Variants in SUN1 observed in about 807,000 individuals in gnomAD.
SUN1 encodes SUN domain-containing protein 1.
Under a neutral mutation model 103.2 loss-of-function variants are expected in SUN1, and 61 were observed. The ratio of observed to expected loss-of-function variants is 0.59; its 90% CI spans 0.48 to 0.73. The LOEUF (loss-of-function observed/expected upper bound fraction) is 0.73, where lower values mean the gene tolerates loss of function less well. Among genes scored for constraint, SUN1 ranks in the 30% least tolerant of loss-of-function variants. The pLI is 0.00. For synonymous variants in SUN1, 490 were observed against 425.7 expected, an observed-to-expected ratio of 1.15 and a Z score of -1.86; for missense variants, 1,052 against 1,034.6, an observed-to-expected ratio of 1.02 and a Z score of -0.23.
At chr7:835,879 G>A (rs1254882977) in intron 1 of SUN1, among the ~76,000 whole-genome samples, 1 of 152,228 alleles carries the variant, frequency 6.6e-6, no homozygotes, top group Non-Finnish European at 1.5e-5. Flanking sequence ...GAGACATGAG[G>A]GTCCCACCAT....
intron 14 of SUN1, 101 bp downstream of exon 14, chr7:860,483 G>C: frequency 6.5e-7 from 1 of 1,543,152 alleles, no homozygotes; most frequent in African/African-American, 1.4e-5. Flanking sequence ...TGTTTTAAGA[G>C]TGGTCTGGCT....
chr7:869,481 A>G lies in SUN1; in HGVS notation c.2113A>G (p.Asn705Asp). 1 of 1,613,844 alleles carries G rather than the reference A, an allele frequency of 6.2e-7. No individual in the cohort carries two copies. The highest frequency in any genetic ancestry group is 8.5e-7 in the Non-Finnish European group (1 of 1,179,856). Residue 705 changes from asparagine to aspartate, a missense_variant, in exon 17 of 19, where the codon AAC becomes GAC. Coordinates refer to ENST00000401592, the MANE Select transcript of SUN1 (RefSeq NM_001130965.3). Reference sequence around the variant, plus strand: ...CCCTAAGACGCTGTCGCCAACAGGCAACATCAGCAGCGCCCCCAAGGACTT... The same window carrying G: ...CCCTAAGACGCTGTCGCCAACAGGCGACATCAGCAGCGCCCCCAAGGACTT... ...HIPKTLSPTG[N>D]ISSAPKDFAV... is the part of the protein sequence containing the mutation.
rs190949201 is a variant in SUN1, at chr7:834,150, C to T, written c.77+1549C>T. Among the ~76,000 whole-genome samples, 1,421 of 148,586 alleles carry T rather than the reference C, an allele frequency of 9.6e-3. 45 individuals are homozygous for T. Among genetic ancestry groups the T allele is most frequent in the African/African-American group, 0.034 (1,336 of 39,408 alleles). On this transcript the variant is annotated intron_variant, in intron 1 of 18. Transcript: ENST00000401592. The stretch of plus-strand genomic sequence containing the variant: ...GTAGGCTGGGCTGGGAATTTAGACT[C>T]TTGGTGGGCAGGGGCTGGCCGGATG...
At chr7:826,497 G>A (rs557555745) in intron 1 of SUN1, among the ~76,000 whole-genome samples, 30 of 152,332 alleles carry the variant, frequency 2.0e-4, no homozygotes, top group African/African-American at 7.0e-4. Context: ...CCGAGGCCGG[G>A]GGCTGCAGCT....
chr7:870,806 G>A (rs974439080), intron 17 of SUN1, among the ~76,000 whole-genome samples: 77 of 151,974 alleles, frequency 5.1e-4, no homozygotes, highest in Non-Finnish European at 6.6e-4. Context: ...CACAGGTGGC[G>A]TCACGGTTTC....
intron 3 of SUN1, chr7:842,954 C>A (rs1811617981): frequency 1.6e-6 from 1 of 607,782 alleles, no homozygotes. Context: ...TCATGTTCTG[C>A]TTTCCTCCTT....
At chr7:833,945 T>G (rs1323137448) in intron 1 of SUN1, among the ~76,000 whole-genome samples, 1 of 152,222 alleles carries the variant, frequency 6.6e-6, no homozygotes, top group African/African-American at 2.4e-5. Context: ...TTCTTTACCT[T>G]GGGAGAGCAA....
intron 14 of SUN1, 109 bp downstream of exon 14, chr7:860,491 G>A (rs1831331681): frequency 6.6e-7 from 1 of 1,522,524 alleles, no homozygotes; most frequent in Non-Finnish European, 8.8e-7. Flanking sequence ...GAGTGGTCTG[G>A]CTGGGGTGTG....
intron 5 of SUN1, chr7:843,908 G>A: frequency 8.6e-7 from 1 of 1,166,890 alleles, no homozygotes; most frequent in Non-Finnish European, 1.1e-6. Flanking sequence ...GTGAAGAGTG[G>A]TTATGCCAGT....
rs549897796 is a variant in SUN1, at chr7:860,185, G to A, written c.1582G>A (p.Gly528Ser). Residue 528 changes from glycine to serine, a missense_variant, in exon 14 of 19, where the codon GGT (glycine) becomes AGT (serine). Gly to Ser is a moderately conservative substitution (Grantham distance 56). Transcript: ENST00000401592. ...KLLFSEDQQG[G>S]SLEQLLQRFS... ...CCTGTTTTCCGAAGATCAGCAAGGC[G>A]GTTCTCTGGAACAGCTGCTGCAGAG... 10 of 1,614,182 alleles carry A rather than the reference G, an allele frequency of 6.2e-6. No homozygotes were observed. The highest frequency in any genetic ancestry group is 1.7e-5 in the Admixed American group (1 of 60,010).
At chr7:854,118 C>T (rs1035498194) in intron 10 of SUN1, among the ~76,000 whole-genome samples, 13 of 152,242 alleles carry the variant, frequency 8.5e-5, no homozygotes, top group African/African-American at 2.7e-4. Flanking sequence ...GTGAAGAAAA[C>T]AGCCGACAGC....
upstream of SUN1, chr7:832,187 TGAAGA>T (rs1330076785): frequency 8.8e-6 from 7 of 793,936 alleles, no homozygotes; most frequent in Non-Finnish European, 9.8e-6. Context: ...AAACACATCT[TGAAGA>T]GAGCTCTGAG....
At chr7:853,735 C>A in intron 10 of SUN1, 117 bp downstream of exon 10, 1 of 1,176,452 alleles carries the variant, frequency 8.5e-7, no homozygotes, top group Non-Finnish European at 1.2e-6. Context: ...AAAGGGGTTG[C>A]CCTTTCTGTT....
chr7:831,364 C>A (rs1025636155), upstream of SUN1, among the ~76,000 whole-genome samples: 1 of 151,822 alleles, frequency 6.6e-6, no homozygotes, highest in Non-Finnish European at 1.5e-5. Context: ...CTCCGCCTCC[C>A]GGGTTCATGC....
In SUN1 at chr7:856,286, T is replaced by TAAA. The variant is rs1827204912; in HGVS notation, c.1351-70_1351-69insAAA. 3.4e-6 allele frequency: 5 copies of TAAA among 1,484,230 alleles called. No homozygotes were observed. The South Asian group carries it at 3.4e-5, about 10-fold the overall frequency. The allele number at this position is 1,484,230 out of a possible 1,614,324, so 91.9% of individuals were successfully genotyped here. On this transcript the variant is annotated intron_variant, in intron 11 of 18. Transcript: ENST00000401592. ...TATTCCAGATAAATCAATGGAGTTTTAAGTATGTGGTTTTATGAAAAGTTA... is the reference window on the plus strand; with the variant it reads ...TATTCCAGATAAATCAATGGAGTTTTAAAAAGTATGTGGTTTTATGAAAAGTTA...
At chr7:817,215 C>T in intron 1 of SUN1, 1 of 580,990 alleles carries the variant, frequency 1.7e-6, no homozygotes, top group South Asian at 2.0e-5. Flanking sequence ...CCGCCTCCGC[C>T]TCCCGAAGCG....
chr7:832,374 C>A, upstream of SUN1: 2 of 760,998 alleles, frequency 2.6e-6, no homozygotes, highest in South Asian at 1.6e-5. Flanking sequence ...CTGCTGCTGG[C>A]CGTGTTTCCT....
chr7:873,514 A>C lies in SUN1; in HGVS notation c.*183A>C, dbSNP rs558906895. ...CCTTGGCGCCACCTGTTGGGTGCTC[A>C]CTGCCTCTGCAGGTGCAGAGGGGTC... On this transcript the variant is annotated 3_prime_UTR_variant, in exon 19 of 19. Coordinates refer to ENST00000401592, the MANE Select transcript of SUN1 (RefSeq NM_001130965.3). The C allele has an allele frequency of 2.3e-5, 14 of 610,812 alleles. No individual in the cohort carries two copies. The Admixed American group carries it at 2.4e-4, about 10-fold the overall frequency. The allele number at this position is 610,812 out of a possible 1,614,324, so 37.8% of individuals were successfully genotyped here. A position where few individuals can be genotyped will look rare whatever the true frequency, so the allele number is the denominator to read the frequency against.
intron 2 of SUN1, 55 bp downstream of exon 2, chr7:839,041 G>A: frequency 6.9e-7 from 1 of 1,454,290 alleles, no homozygotes; most frequent in South Asian, 1.4e-5. Context: ...TTAAAACCAA[G>A]CTTCCATACT....
Sources: gnomAD v4.1 joint callset for allele counts (sites outside exome capture counted in the v4.1 genomes callset) on GRCh38, gnomAD v4.1.1 for gene constraint, MANE v1.5 for transcripts, NCBI Gene and HGNC (gene_info 2026-07-23, HGNC 2026-07-21) for gene names.